MAGI2: variants seen among roughly 807,000 people sequenced by gnomAD.
MAGI2 encodes membrane associated guanylate kinase, WW and PDZ domain containing 2.
MAGI2 carries 35 observed loss-of-function variants against 133.3 expected under a neutral mutation model. The observed-to-expected ratio is 0.26, with a 90% CI of 0.20 to 0.35. MAGI2 has a LOEUF of 0.35. MAGI2 is among the 10% of genes least tolerant of loss of function. The pLI is 1.00. For missense variants in MAGI2, 1,636 were observed against 1,863.4 expected (o/e 0.88, Z 2.25); for synonymous variants, 729 against 710.6 (o/e 1.03, Z -0.41).
intron 3 of MAGI2, among the ~76,000 whole-genome samples, chr7:78,602,045 T>C (rs1805260736): frequency 6.6e-6 from 1 of 152,208 alleles, no homozygotes; most frequent in Non-Finnish European, 1.5e-5. Flanking sequence ...CCAACTGTTT[T>C]AAGCATTTCA....
chr7:78,570,200 T>C (rs563757922), intron 3 of MAGI2, among the ~76,000 whole-genome samples: 19 of 152,314 alleles, frequency 1.2e-4, no homozygotes, highest in Admixed American at 5.9e-4. Context: ...TTAGGAGATA[T>C]TGCCAAACAA....
chr7:79,139,530 T>C (rs933465833), intron 1 of MAGI2, among the ~76,000 whole-genome samples: 1 of 152,222 alleles, frequency 6.6e-6, no homozygotes, highest in Non-Finnish European at 1.5e-5. Context: ...CCCTCATTAC[T>C]GCCACTTACT....
At chr7:79,115,721 A>G (rs1819332982) in intron 1 of MAGI2, among the ~76,000 whole-genome samples, 1 of 152,082 alleles carries the variant, frequency 6.6e-6, no homozygotes, top group South Asian at 2.1e-4. Flanking sequence ...TTTTTAATCC[A>G]AATTTTACCA....
intron 2 of MAGI2, among the ~76,000 whole-genome samples, chr7:78,683,631 A>C (rs750816679): frequency 6.6e-6 from 1 of 152,190 alleles, no homozygotes; most frequent in Non-Finnish European, 1.5e-5. Flanking sequence ...CTATTCTACA[A>C]GTAAAGTGTT....
chr7:78,132,854 CCT>C (rs746065024), intron 18 of MAGI2, 33 bp downstream of exon 18: 1 of 1,614,054 alleles, frequency 6.2e-7, no homozygotes, highest in Non-Finnish European at 8.5e-7. Flanking sequence ...CACCCTATCA[CCT>C]CTCAGAATCA....
Position 78,453,590 on chromosome 7 carries a change from A to G in MAGI2, c.1045+36171T>C, listed in dbSNP as rs540797316. Among the ~76,000 whole-genome samples, 187 of 152,256 alleles carry G rather than the reference A, an allele frequency of 1.2e-3. 1 individual carries two copies. The highest frequency in any genetic ancestry group is 2.1e-3 in the Non-Finnish European group (141 of 68,016). On this transcript the variant is annotated intron_variant, in intron 6 of 21. Transcript: ENST00000354212. ...GCCCAAATGTCACTTCACTTGAAACATCACTGACATGCTTCCCAGCCATAC... is the reference window on the plus strand; with the variant it reads ...GCCCAAATGTCACTTCACTTGAAACGTCACTGACATGCTTCCCAGCCATAC...
chr7:78,524,289 T>C (rs1584494005), intron 3 of MAGI2, among the ~76,000 whole-genome samples: 1 of 152,120 alleles, frequency 6.6e-6, no homozygotes, highest in African/African-American at 2.4e-5. Flanking sequence ...TGCTGGCAGG[T>C]AGAAATGACA....
chr7:78,205,571 A>G (rs561458614), intron 10 of MAGI2, among the ~76,000 whole-genome samples: 1 of 152,352 alleles, frequency 6.6e-6, no homozygotes, highest in African/African-American at 2.4e-5. Flanking sequence ...GACATATACT[A>G]CATGGGACAT....
In MAGI2 at chr7:78,256,210, C is replaced by CCAT; in HGVS notation, c.1777_1779dup (p.Met593dup). ...TCAGCTTGGGTGGCCCCAGATGAAG[C>CCAT]CATAGACACATTGTCATCATGGACG... On this transcript the variant is annotated inframe_insertion, in exon 10 of 22. Transcript: ENST00000354212. 1.9e-6 allele frequency: 3 copies of CCAT among 1,614,040 alleles called. No individual in the cohort carries two copies. Among genetic ancestry groups the CCAT allele is most frequent in the Non-Finnish European group, 2.5e-6 (3 of 1,180,010 alleles).
intron 16 of MAGI2, among the ~76,000 whole-genome samples, chr7:78,143,920 A>ATAAG (rs1382466834): frequency 6.7e-6 from 1 of 148,770 alleles, no homozygotes; most frequent in African/African-American, 2.4e-5. Flanking sequence ...TTATAGTCCT[A>ATAAG]TAAGTTTTTT....
chr7:78,490,806 G>A (rs17150901), intron 5 of MAGI2, among the ~76,000 whole-genome samples: 1 of 152,000 alleles, frequency 6.6e-6, no homozygotes, highest in Non-Finnish European at 1.5e-5. Flanking sequence ...TGTCTCAAGG[G>A]ATCTCATCTA....
At chr7:78,327,220 T>C (rs988129156) in intron 9 of MAGI2, among the ~76,000 whole-genome samples, 2 of 152,194 alleles carry the variant, frequency 1.3e-5, no homozygotes, top group African/African-American at 4.8e-5. Flanking sequence ...TCAGGCTCTA[T>C]TCTCCATGGC....
intron 2 of MAGI2, among the ~76,000 whole-genome samples, chr7:78,789,041 C>G (rs2151362575): frequency 6.6e-6 from 1 of 152,278 alleles, no homozygotes; most frequent in East Asian, 1.9e-4. Flanking sequence ...TTCTTCTTCT[C>G]AACCCTTTGT....
intron 6 of MAGI2, among the ~76,000 whole-genome samples, chr7:78,446,255 C>T (rs116708021): frequency 0.021 from 3,225 of 152,002 alleles, 110 homozygotes; most frequent in African/African-American, 0.073. Context: ...CCTTTTTACT[C>T]GGCCATACTT....
chr7:79,261,281 C>T (rs187012904), intron 1 of MAGI2, among the ~76,000 whole-genome samples: 41 of 152,308 alleles, frequency 2.7e-4, no homozygotes, highest in African/African-American at 8.7e-4. Flanking sequence ...TGTCCCTTGA[C>T]GTCCCTCCGA....
intron 2 of MAGI2, among the ~76,000 whole-genome samples, chr7:78,660,838 T>C (rs1812874049): frequency 6.6e-6 from 1 of 152,236 alleles, no homozygotes; most frequent in African/African-American, 2.4e-5. Context: ...TATTCACTAT[T>C]TACATTTTCC....
In MAGI2 at chr7:79,111,012, G is replaced by T. The variant is rs1818883094; in HGVS notation, c.302-103806C>A. Reference sequence around the variant, plus strand: ...AAATCTCCCTGATGCCTCCCCAGAAGCCAAGCAGATGCCAGCAGCCTCCAG... The same window carrying T: ...AAATCTCCCTGATGCCTCCCCAGAATCCAAGCAGATGCCAGCAGCCTCCAG... On this transcript the variant is annotated intron_variant, in intron 1 of 21. Coordinates refer to ENST00000354212, the MANE Select transcript of MAGI2 (RefSeq NM_012301.4). 2.0e-5 allele frequency among the ~76,000 whole-genome samples: 3 copies of T among 152,154 alleles called. No homozygotes were observed. In the South Asian group the frequency reaches 6.2e-4, roughly 32 times the overall value.
At chr7:79,323,292 T>A (rs1335183635) in intron 1 of MAGI2, among the ~76,000 whole-genome samples, 1 of 152,150 alleles carries the variant, frequency 6.6e-6, no homozygotes, top group African/African-American at 2.4e-5. Context: ...AAATAAGTAA[T>A]CAGACATTCA....
intron 3 of MAGI2, among the ~76,000 whole-genome samples, chr7:78,553,284 T>G (rs897818863): frequency 6.6e-6 from 1 of 152,104 alleles, no homozygotes; most frequent in Admixed American, 6.5e-5. Flanking sequence ...CACAACCCAG[T>G]TAATCATTTA....
Sources: gnomAD v4.1 joint callset for allele counts (sites outside exome capture counted in the v4.1 genomes callset) on GRCh38, gnomAD v4.1.1 for gene constraint, MANE v1.5 for transcripts, NCBI Gene and HGNC (gene_info 2026-07-23, HGNC 2026-07-21) for gene names.